CSMD1: variants seen among roughly 807,000 people sequenced by gnomAD.
CSMD1 encodes the protein CUB and Sushi multiple domains 1.
CSMD1 carries 213 observed loss-of-function variants against 417.5 expected under a neutral mutation model. The ratio of observed to expected loss-of-function variants is 0.51; its 90% CI spans 0.46 to 0.57. The LOEUF (loss-of-function observed/expected upper bound fraction) is 0.57, where lower values mean the gene tolerates loss of function less well. Among genes scored for constraint, CSMD1 ranks in the 20% least tolerant of loss-of-function variants. The pLI is 0.00. For missense variants in CSMD1, 6,923 were observed against 4,529.7 expected (o/e 1.53, Z -15.17); for synonymous variants, 2,862 against 1,736.8 (o/e 1.65, Z -16.11).
At chr8:4,510,024 G>C (rs1802730851) in intron 2 of CSMD1, among the ~76,000 whole-genome samples, 1 of 152,060 alleles carries the variant, frequency 6.6e-6, no homozygotes, top group South Asian at 2.1e-4. Context: ...TTGTGGGAGG[G>C]ACCCGGTGGG....
chr8:4,021,878 T>C (rs1355993888), intron 4 of CSMD1, among the ~76,000 whole-genome samples: 1 of 151,996 alleles, frequency 6.6e-6, no homozygotes, highest in African/African-American at 2.4e-5. Flanking sequence ...TCCCCCTCTC[T>C]AGCTTGTAAG....
intron 1 of CSMD1, among the ~76,000 whole-genome samples, chr8:4,810,532 T>C (rs982780765): frequency 2.0e-5 from 3 of 152,142 alleles, no homozygotes; most frequent in East Asian, 3.9e-4. Context: ...TACACGTGTG[T>C]GTGTGTGTGC....
In CSMD1 at chr8:4,815,241, C is replaced by G. The variant is rs546870170; in HGVS notation, c.86-177683G>C. 1.7e-4 allele frequency among the ~76,000 whole-genome samples: 26 copies of G among 150,934 alleles called. No individual in the cohort carries two copies. In the East Asian group the frequency reaches 2.2e-3, roughly 13 times the overall value. On this transcript the variant is annotated intron_variant, in intron 1 of 69. Transcript: ENST00000635120. The stretch of plus-strand genomic sequence containing the variant: ...TTCATCAAATGATTATTTGATGAAA[C>G]CACAATTAACAATTTATTTGAATTG...
At chr8:3,295,284 A>T (rs7013889) in intron 25 of CSMD1, among the ~76,000 whole-genome samples, 1 of 151,480 alleles carries the variant, frequency 6.6e-6, no homozygotes, top group Admixed American at 6.6e-5. Flanking sequence ...ACCACCACAC[A>T]TGGCTAATTT....
chr8:4,527,508 C>A (rs750614703), intron 2 of CSMD1, among the ~76,000 whole-genome samples: 2 of 152,102 alleles, frequency 1.3e-5, no homozygotes, highest in Non-Finnish European at 2.9e-5. Context: ...GAATGAGTAT[C>A]ACTTTTCCAA....
At chr8:4,680,207 T>C (rs1445350122) in intron 1 of CSMD1, among the ~76,000 whole-genome samples, 2 of 152,226 alleles carry the variant, frequency 1.3e-5, no homozygotes, top group Non-Finnish European at 2.9e-5. Flanking sequence ...AATTGTGTTC[T>C]GCAAAAATGC....
chr8:3,061,126 G>T (rs555894998), intron 49 of CSMD1, among the ~76,000 whole-genome samples: 75 of 152,238 alleles, frequency 4.9e-4, no homozygotes, highest in Non-Finnish European at 7.1e-4. Flanking sequence ...TCTGAGTTTG[G>T]TATTTGTCTG....
rs182454331 is a variant in CSMD1, at chr8:4,231,417, A to T, written c.415+188536T>A. ...TATTTGTCTCACAAAGTTGTTACAA[A>T]AATTACGATAAAAGTGATAGGTGTA... On this transcript the variant is annotated intron_variant, in intron 3 of 69. Coordinates refer to ENST00000635120, the MANE Select transcript of CSMD1 (RefSeq NM_033225.6). Among the ~76,000 whole-genome samples, 215 of 152,320 alleles carry T rather than the reference A, an allele frequency of 1.4e-3. 3 individuals carry two copies. Among genetic ancestry groups the T allele is most frequent in the Non-Finnish European group, 8.5e-4 (58 of 68,036 alleles).
intron 2 of CSMD1, among the ~76,000 whole-genome samples, chr8:4,453,785 G>C (rs1389330390): frequency 1.4e-5 from 2 of 142,232 alleles, no homozygotes; most frequent in African/African-American, 5.2e-5. Flanking sequence ...TTTCACCCAG[G>C]TTCCCGAACA....
At chr8:3,795,115 G>GATAT (rs1554439930) in intron 5 of CSMD1, among the ~76,000 whole-genome samples, 9,529 of 82,736 alleles carry the variant, frequency 0.12, 1,101 homozygotes, top group East Asian at 0.2. Flanking sequence ...TACAGCTATA[G>GATAT]ATATCTATCA....
chr8:3,544,354 C>G (rs765860430), intron 10 of CSMD1, among the ~76,000 whole-genome samples: 1 of 151,976 alleles, frequency 6.6e-6, no homozygotes, highest in Admixed American at 6.6e-5. Flanking sequence ...TATCACAAAC[C>G]CTTGTAGCAA....
chr8:3,737,531 T>A (rs565712744), intron 6 of CSMD1, among the ~76,000 whole-genome samples: 8 of 152,212 alleles, frequency 5.3e-5, no homozygotes, highest in African/African-American at 1.2e-4. Flanking sequence ...CTGTTACTGG[T>A]TTCTTTTTAC....
chr8:4,411,069 A>G (rs1365903297), intron 3 of CSMD1, among the ~76,000 whole-genome samples: 12 of 152,216 alleles, frequency 7.9e-5, no homozygotes, highest in Admixed American at 7.9e-4. Context: ...CCACCCGTTT[A>G]TGAGGAAACC....
chr8:4,618,297 T>C (rs970037427), intron 2 of CSMD1, among the ~76,000 whole-genome samples: 1 of 99,792 alleles, frequency 1.0e-5, no homozygotes, highest in South Asian at 3.0e-4. Context: ...AGCTCAGCCA[T>C]GTCCCTCATA....
chr8:4,245,490 G>A (rs1018560545), intron 3 of CSMD1, among the ~76,000 whole-genome samples: 2 of 152,130 alleles, frequency 1.3e-5, no homozygotes, highest in African/African-American at 2.4e-5. Flanking sequence ...AACTCTTCAT[G>A]AAGAGCCTAA....
rs552423907 is a variant in CSMD1 at position 3,631,408 on chromosome 8, G to A, written c.1010-14611C>T. Among the ~76,000 whole-genome samples, 11 of 152,328 alleles carry A rather than the reference G, an allele frequency of 7.2e-5. No homozygotes were observed. In the East Asian group the frequency reaches 2.1e-3, roughly 29 times the overall value. ...AGTGACTGGAGTAGCAAAGAAGCCA[G>A]CCCGTGGCTGAGCCTGGAGCGTTGT... On this transcript the variant is annotated intron_variant, in intron 7 of 69. Transcript: ENST00000635120.
At chr8:4,286,889 G>A (rs577672162) in intron 3 of CSMD1, among the ~76,000 whole-genome samples, 247 of 152,286 alleles carry the variant, frequency 1.6e-3, no homozygotes, top group African/African-American at 5.7e-3. Context: ...TCATTCCATT[G>A]TGGCCAAGGA....
intron 52 of CSMD1, among the ~76,000 whole-genome samples, chr8:3,013,960 T>G (rs1028177581): frequency 2.0e-5 from 3 of 152,142 alleles, no homozygotes; most frequent in Non-Finnish European, 2.9e-5. Context: ...TTGTCACATA[T>G]GAGCCTGCTC....
At chr8:4,098,522 G>A (rs1476686770) in intron 3 of CSMD1, among the ~76,000 whole-genome samples, 1 of 152,096 alleles carries the variant, frequency 6.6e-6, no homozygotes. Flanking sequence ...CAGCTGCGAA[G>A]TCAACCACAG....
Sources: allele counts gnomAD v4.1 joint callset (sites outside exome capture counted in the v4.1 genomes callset), GRCh38; gene constraint gnomAD v4.1.1; transcripts MANE v1.5; gene names NCBI Gene and HGNC (gene_info 2026-07-23, HGNC 2026-07-21).